The following USP54 variants were observed in gnomAD, a reference collection of about 807,000 sequenced individuals.
USP54 encodes ubiquitin carboxyl-terminal hydrolase 54.
USP54 carries 87 observed loss-of-function variants against 170.5 expected under a neutral mutation model. The ratio of observed to expected loss-of-function variants is 0.51; its 90% CI spans 0.43 to 0.61. The LOEUF is 0.61. USP54 is among the 20% of genes least tolerant of loss of function. The probability of loss-of-function intolerance (pLI) is 0.00; values close to 1 mark genes in which losing one functional copy is unlikely to be tolerated. For synonymous variants in USP54, 655 were observed against 742.8 expected, an observed-to-expected ratio of 0.88 and a Z score of 1.92; for missense variants, 1,786 against 2,047.8, an observed-to-expected ratio of 0.87 and a Z score of 2.47.
Position 73,517,343 on chromosome 10 carries a change from T to C in USP54, c.3083A>G (p.Glu1028Gly). Residue 1028 changes from glutamate (E) to glycine (G), a missense_variant, in exon 20 of 24, where the codon GAA becomes GGA. By Grantham distance (98) the Glu-to-Gly change is moderately conservative. Around this residue, in one of 3 missense-constraint regions of USP54, gnomAD observed 1,418 missense variants for 1,569.0 expected, o/e 0.90. Transcript: ENST00000687698. ...RGIAQEQLFQ[E>G]KKDPANPSPV... ...GGAGGGGTTAGCAGGATCCTTCTTTTCTTGGAACAGCTGTTCTTGAGCAAT... is the reference window on the plus strand; with the variant it reads ...GGAGGGGTTAGCAGGATCCTTCTTTCCTTGGAACAGCTGTTCTTGAGCAAT... 6.2e-7 allele frequency: 1 copy of C among 1,612,154 alleles called. No individual in the cohort carries two copies. Among genetic ancestry groups the C allele is most frequent in the Non-Finnish European group, 8.5e-7 (1 of 1,179,088 alleles).
rs937703407 is a variant in USP54, at chr10:73,530,146, A to T, written c.1825T>A (p.Ser609Thr). Residue 609 changes from serine to threonine, a missense_variant, in exon 14 of 24, where the codon TCA becomes ACA. This residue lies in a region of USP54 where 1,418 missense variants were observed against 1,569.0 expected (regional missense o/e 0.90). Coordinates refer to ENST00000687698, the MANE Select transcript of USP54 (RefSeq NM_001391956.1). ...YTQLSPFSED[S>T]AKEFIPDEPS... ...TCTTCCCTAATTATCTCCTCACCTG[A>T]ATCCTCAGAAAAGGGGCTAAGCTGG... is the stretch of plus-strand genomic sequence containing the variant. 6.2e-7 allele frequency: 1 copy of T among 1,608,288 alleles called. No individual in the cohort carries two copies. Among genetic ancestry groups the T allele is most frequent in the African/African-American group, 1.3e-5 (1 of 74,664 alleles).
At chr10:73,526,805 G>C in intron 15 of USP54, 25 bp from the exon 16 acceptor site, 13 of 1,611,364 alleles carry the variant, frequency 8.1e-6, no homozygotes, top group Non-Finnish European at 1.1e-5. Context: ...TCAGAGTCTA[G>C]TGAAAGCATG....
At chr10:73,604,498 G>C (rs915963978) in intron 1 of USP54, among the ~76,000 whole-genome samples, 10 of 151,970 alleles carry the variant, frequency 6.6e-5, no homozygotes, top group African/African-American at 2.4e-5. Flanking sequence ...GCTCACACAC[G>C]TAATCCCAGT....
Position 73,542,839 on chromosome 10 carries a change from A to G in USP54, c.536T>C (p.Ile179Thr), listed in dbSNP as rs1171246016. The change falls in exon 7 of 24, where the codon ATC becomes ACC. Residue 179 changes from isoleucine to threonine, a missense_variant. Physicochemically the swap from Ile to Thr is moderately conservative, Grantham distance 89 (BLOSUM62 -1). Transcript: ENST00000687698. The stretch of plus-strand genomic sequence containing the variant: ...GGTGGAGATATAATGTACCATCTGG[A>G]TGAAAGGCAGCGGATCAGAAGTGGC... ...CGATSDPLPF[I>T]QMVHYISTTS... 1.2e-6 allele frequency: 2 copies of G among 1,614,122 alleles called. No individual in the cohort carries two copies. Among genetic ancestry groups the G allele is most frequent in the Admixed American group, 3.3e-5 (2 of 60,008 alleles).
chr10:73,621,698 A>G lies in USP54; in HGVS notation c.-18+3869T>C, dbSNP rs991235651. ...TTTCCCCTATATATGAATACAGATA[A>G]CCATTTCCACTACTAAAATGATCAC... On this transcript the variant is annotated intron_variant, in intron 1 of 22. Transcript: ENST00000339859. Among the ~76,000 whole-genome samples the G allele has an allele frequency of 2.6e-5, 4 of 152,168 alleles. No individual in the cohort carries two copies. In the South Asian group the frequency reaches 6.2e-4, roughly 24 times the overall value.
chr10:73,507,870 G>A (rs2059449736), intron 20 of USP54, among the ~76,000 whole-genome samples: 1 of 151,682 alleles, frequency 6.6e-6, no homozygotes, highest in Admixed American at 6.6e-5. Context: ...GTATGGTGGT[G>A]CACACCTGCA....
chr10:73,513,879 A>G (rs889031217), intron 20 of USP54, among the ~76,000 whole-genome samples: 1 of 152,124 alleles, frequency 6.6e-6, no homozygotes, highest in Non-Finnish European at 1.5e-5. Context: ...CAGTGGCACA[A>G]TCTCAGTTCA....
Position 73,498,154 on chromosome 10 carries a change from A to T in USP54, c.*475T>A, listed in dbSNP as rs1026278227. 8.5e-5 allele frequency: 13 copies of T among 152,404 alleles called. No homozygotes were observed. The highest frequency in any genetic ancestry group is 3.1e-4 in the African/African-American group (13 of 41,440). The allele number at this position is 152,404 out of a possible 1,614,324, so 9.4% of individuals were successfully genotyped here. A position where few individuals can be genotyped will look rare whatever the true frequency, so the allele number is the denominator to read the frequency against. On this transcript the variant is annotated 3_prime_UTR_variant, in exon 24 of 24. Transcript: ENST00000687698. ...TTCAAATATCCCCTCCCAAAGAATC[A>T]CATCTTTTTAGAGGTTCCTGACACC...
chr10:73,528,022 G>A (rs903884034), intron 15 of USP54, among the ~76,000 whole-genome samples: 10 of 151,596 alleles, frequency 6.6e-5, no homozygotes, highest in South Asian at 2.1e-4. Context: ...TGCAAACTCC[G>A]CCTCCCGGGT....
chr10:73,570,015 C>G (rs1467253199), intron 4 of USP54, among the ~76,000 whole-genome samples: 1 of 136,636 alleles, frequency 7.3e-6, no homozygotes, highest in Non-Finnish European at 1.5e-5. Context: ...CTGGGAAAAT[C>G]TAAAGTTTTT....
intron 20 of USP54, among the ~76,000 whole-genome samples, chr10:73,507,748 G>A (rs1469755311): frequency 1.3e-5 from 2 of 151,648 alleles, no homozygotes; most frequent in Non-Finnish European, 2.9e-5. Flanking sequence ...AGCACTTTGG[G>A]AGACTGAGGC....
intron 1 of USP54, among the ~76,000 whole-genome samples, chr10:73,607,940 C>T (rs2079813997): frequency 6.6e-6 from 1 of 151,588 alleles, no homozygotes; most frequent in African/African-American, 2.4e-5. Context: ...TTAAGCCTAG[C>T]TCCTGCCACA....
In USP54 at chr10:73,545,636, C is replaced by T. The variant is rs746311796; in HGVS notation, c.277G>A (p.Val93Met). Residue 93 changes from valine to methionine, a missense_variant, in exon 5 of 24, where the codon GTG (valine) becomes ATG (methionine). Transcript: ENST00000687698. ...CTGCGGAGAGTGTCAGATGGAAGCA[C>T]TTTTTCACTACTACACTGAAACTGG... ...FNQFQCSSEK[V>M]LPSDTLRSAL... The T allele has an allele frequency of 1.2e-6, 2 of 1,614,162 alleles. No individual in the cohort carries two copies. The highest frequency in any genetic ancestry group is 3.3e-5 in the Admixed American group (2 of 60,028).
intron 4 of USP54, among the ~76,000 whole-genome samples, chr10:73,555,995 C>T (rs965708134): frequency 5.3e-5 from 8 of 152,124 alleles, no homozygotes; most frequent in African/African-American, 1.9e-4. Context: ...TTAAACCAGT[C>T]ACAGTCTAAT....
chr10:73,532,348 A>AT (rs371124049), intron 12 of USP54, among the ~76,000 whole-genome samples: 4,944 of 151,570 alleles, frequency 0.033, 103 homozygotes, highest in Non-Finnish European at 0.053. Context: ...AACTTTTTGT[A>AT]TTTTTTTTAG....
chr10:73,497,802 C>G lies in USP54; in HGVS notation c.*827G>C, dbSNP rs1176397023. ...ATGCTGACAGGCCATAATACCTGGG[C>G]AGGGGGGCTGCCCTGATGATGTCAT... On this transcript the variant is annotated 3_prime_UTR_variant, in exon 24 of 24. Transcript: ENST00000687698. The G allele has an allele frequency of 6.6e-6, 1 of 152,236 alleles. No homozygotes were observed. Among genetic ancestry groups the G allele is most frequent in the Admixed American group, 6.5e-5 (1 of 15,290 alleles). 9.4% of individuals were successfully genotyped at this position (152,236 alleles called of 1,614,324 possible). A position where few individuals can be genotyped will look rare whatever the true frequency, so the allele number is the denominator to read the frequency against.
At chr10:73,616,506 T>G (rs1589418610) in intron 1 of USP54, among the ~76,000 whole-genome samples, 1 of 148,392 alleles carries the variant, frequency 6.7e-6, no homozygotes. Flanking sequence ...TGTGCGGGGG[T>G]GGGAAGAGCA....
chr10:73,519,617 A>C lies in USP54; in HGVS notation c.2678+180T>G, dbSNP rs117935993. On this transcript the variant is annotated intron_variant, in intron 19 of 23. Transcript: ENST00000687698. ...ACTTTTTGCATCCTAGGAATTATTA[A>C]GATAAGGACCAGCAGTACAATGAGC... The C allele has an allele frequency of 4.9e-3, 4,570 of 925,764 alleles. 14 individuals are homozygous for C. The highest frequency in any genetic ancestry group is 6.4e-3 in the Non-Finnish European group (4,072 of 635,882). The allele number at this position is 925,764 out of a possible 1,614,324, so 57.3% of individuals were successfully genotyped here.
At chr10:73,567,091 C>G (rs1589156912) in intron 4 of USP54, among the ~76,000 whole-genome samples, 1 of 151,716 alleles carries the variant, frequency 6.6e-6, no homozygotes, top group East Asian at 2.0e-4. Context: ...CTTGGCCAGG[C>G]TGGTCTTGAA....
Sources: allele counts gnomAD v4.1 joint callset (sites outside exome capture counted in the v4.1 genomes callset), GRCh38; gene constraint gnomAD v4.1.1; regional missense constraint gnomAD v4.1.1; transcripts MANE v1.5; gene names NCBI Gene and HGNC (gene_info 2026-07-23, HGNC 2026-07-21).